The following CDK10 variants were observed in gnomAD, a reference collection of about 807,000 sequenced individuals.
The protein encoded by CDK10 is cyclin-dependent kinase 10.
CDK10 carries 55 observed loss-of-function variants against 51.0 expected under a neutral mutation model. The ratio of observed to expected loss-of-function variants is 1.08; its 90% CI spans 0.87 to 1.35. CDK10 has a LOEUF of 1.35. Among genes scored for constraint, CDK10 ranks in the 40% most tolerant of loss-of-function variants. The probability of loss-of-function intolerance (pLI) is 0.00; values close to 1 mark genes in which losing one functional copy is unlikely to be tolerated. For synonymous variants in CDK10, 255 were observed against 199.1 expected (o/e 1.28, Z -2.36); for missense variants, 589 against 485.1 (o/e 1.21, Z -2.01).
Position 89,686,716 on chromosome 16 carries a change from G to C in CDK10, c.6G>C (p.Ala2=). The C allele has an allele frequency of 6.2e-7, 1 of 1,601,242 alleles. No individual in the cohort carries two copies. Among genetic ancestry groups the C allele is most frequent in the Non-Finnish European group, 8.5e-7 (1 of 1,174,372 alleles). The change falls in exon 1 of 13, where the codon GCG becomes GCC. Residue 2 remains alanine, a synonymous_variant. Coordinates refer to ENST00000353379, the MANE Select transcript of CDK10 (RefSeq NM_052988.5). Reference sequence around the variant, plus strand: ...AGGCGGGGCCAGCGCTCGGCATGGCGGAGCCAGATCTGGAGTGCGAGCAGA... The same window carrying C: ...AGGCGGGGCCAGCGCTCGGCATGGCCGAGCCAGATCTGGAGTGCGAGCAGA... The part of the protein sequence containing the change: M[A]EPDLECEQIR...
intron 3 of CDK10, 133 bp from the exon 4 acceptor site, chr16:89,691,310 C>T (rs1458635073): frequency 1.4e-5 from 8 of 579,192 alleles, no homozygotes; most frequent in Admixed American, 3.4e-5. Flanking sequence ...TTATTGGGGT[C>T]GCCCCAATTC....
In CDK10 at chr16:89,690,572, G is replaced by T; in HGVS notation, c.180G>T (p.Gln60His). 1 of 1,614,164 alleles carries T rather than the reference G, an allele frequency of 6.2e-7. No homozygotes were observed. Among genetic ancestry groups the T allele is most frequent in the Non-Finnish European group, 8.5e-7 (1 of 1,180,020 alleles). Residue 60 changes from glutamine to histidine, a missense_variant, in exon 3 of 13, where the codon CAG becomes CAT. Transcript: ENST00000353379. ...TTCCAGATCGGGCCCGGGACACCCA[G>T]ACAGATGAGATTGTCGCACTGAAGA... ...YGIVYRARDT[Q>H]TDEIVALKKV...
At chr16:89,687,935 C>T (rs528708605) in intron 1 of CDK10, 23 of 262,652 alleles carry the variant, frequency 8.8e-5, no homozygotes, top group South Asian at 7.3e-4. Context: ...AGGACAAATG[C>T]GGCCAGTGGC....
At chr16:89,693,210 C>T (rs1230608114) in intron 6 of CDK10, 64 bp from the exon 7 acceptor site, 26 of 1,449,504 alleles carry the variant, frequency 1.8e-5, no homozygotes, top group East Asian at 4.5e-5. Flanking sequence ...GCATTGGTGC[C>T]GTGGGGGAGC....
intron 2 of CDK10, chr16:89,690,345 C>G (rs2060386258): frequency 1.7e-6 from 1 of 593,534 alleles, no homozygotes; most frequent in Non-Finnish European, 3.0e-6. Context: ...TTGGGCACCC[C>G]CTGCCCAGTT....
At chr16:89,693,504 A>G in intron 8 of CDK10, 37 bp downstream of exon 8, 1 of 1,605,336 alleles carries the variant, frequency 6.2e-7, no homozygotes, top group Non-Finnish European at 8.5e-7. Context: ...CCTGGGGACC[A>G]GGCCTGTCTG....
chr16:89,689,430 C>T, intron 2 of CDK10, 106 bp downstream of exon 2: 2 of 928,284 alleles, frequency 2.2e-6, no homozygotes, highest in Non-Finnish European at 3.5e-6. Context: ...GACTCAGACC[C>T]TGTGCTCTGA....
intron 8 of CDK10, chr16:89,693,804 C>T (rs919378229): frequency 1.8e-6 from 1 of 542,216 alleles, no homozygotes; most frequent in Non-Finnish European, 3.3e-6. Flanking sequence ...CTGGTTCTTC[C>T]TCCTGGATAC....
intron 9 of CDK10, 74 bp downstream of exon 9, chr16:89,694,306 G>A (rs2060594031): frequency 6.8e-7 from 1 of 1,470,180 alleles, no homozygotes; most frequent in East Asian, 2.3e-5. Context: ...TGGTTCCTGA[G>A]CTCAGCCTCA....
In CDK10 at chr16:89,689,526, C is replaced by T. The variant is rs191707454; in HGVS notation, c.160+202C>T. The stretch of plus-strand genomic sequence containing the variant: ...CCATTTCTGGGTAAACGTAAGCATC[C>T]GGTTGCTAATGCCCATAATCCAAAC... On this transcript the variant is annotated intron_variant, in intron 2 of 12. Transcript: ENST00000353379. The T allele has an allele frequency of 1.1e-3, 661 of 581,370 alleles. 4 individuals are homozygous for T. The highest frequency in any genetic ancestry group is 0.011 in the African/African-American group (595 of 53,500). 36.0% of individuals were successfully genotyped at this position (581,370 alleles called of 1,614,324 possible).
Position 89,694,970 on chromosome 16 carries a change from C to T in CDK10, c.832C>T (p.Arg278Trp), listed in dbSNP as rs1486693594. Residue 278 changes from arginine (R) to tryptophan (W), a missense_variant, in exon 11 of 13, where the codon CGG becomes TGG. By Grantham distance (101) the Arg-to-Trp change is moderately radical. Transcript: ENST00000353379. Reference protein sequence around the residue: ...KLPLVGQYSLRKQPYNNLKHK... With the variant: ...KLPLVGQYSLWKQPYNNLKHK... ...GCCACTGGTCGGCCAGTACAGCCTC[C>T]GGAAGCAGCCCTACAACAACCTGAA... The T allele has an allele frequency of 6.2e-6, 10 of 1,613,244 alleles. No individual in the cohort carries two copies. The highest frequency in any genetic ancestry group is 1.6e-4 in the Middle Eastern group (1 of 6,084).
intron 3 of CDK10, 46 bp from the exon 4 acceptor site, chr16:89,691,397 C>G: frequency 1.4e-6 from 2 of 1,458,650 alleles, no homozygotes; most frequent in South Asian, 1.3e-5. Context: ...TGGGGCTTCC[C>G]CGCCATCACT....
At position 89,694,940 on chromosome 16, in the gene CDK10, A is replaced by C; in HGVS notation, c.802A>C (p.Lys268Gln). ...PSENIWPGFS[K>Q]LPLVGQYSLR... The stretch of plus-strand genomic sequence containing the variant: ...CTCCTGCCTCCCATAGGGCTTTTCC[A>C]AGCTGCCACTGGTCGGCCAGTACAG... Residue 268 changes from lysine (K) to glutamine (Q), a missense_variant, in exon 11 of 13, where the codon AAG becomes CAG. Lys to Gln is a moderately conservative substitution (Grantham distance 53, BLOSUM62 1). Transcript: ENST00000353379. 6.2e-7 allele frequency: 1 copy of C among 1,612,870 alleles called. No homozygotes were observed. The highest frequency in any genetic ancestry group is 8.5e-7 in the Non-Finnish European group (1 of 1,179,960).
At chr16:89,692,778 C>T (rs2151583633) in intron 6 of CDK10, 2 of 333,412 alleles carry the variant, frequency 6.0e-6, no homozygotes, top group South Asian at 7.5e-5. Flanking sequence ...CACACCCAGG[C>T]ATGCACTCCG....
intron 2 of CDK10, chr16:89,689,726 C>CT (rs1247123006): frequency 5.6e-6 from 1 of 179,050 alleles, no homozygotes; most frequent in African/African-American, 2.4e-5. Context: ...CTCTATTGCC[C>CT]AGACTGGAGT....
chr16:89,695,648 G>A lies in CDK10; in HGVS notation c.1039G>A (p.Ala347Thr), dbSNP rs199898484. ...TFPHHRNKRA[A>T]PATSEGQSKR... ...TCCCCACCACCGCAACAAGCGGGCC[G>A]CCCCAGCCACCTCCGAGGGCCAGAG... is the stretch of plus-strand genomic sequence containing the variant. Residue 347 changes from alanine to threonine, a missense_variant, in exon 13 of 13, where the codon GCC becomes ACC. By Grantham distance (58) the Ala-to-Thr change is moderately conservative. Coordinates refer to ENST00000353379, the MANE Select transcript of CDK10 (RefSeq NM_052988.5). 1,655 of 1,604,342 alleles carry A rather than the reference G, an allele frequency of 1.0e-3. 3 individuals carry two copies. Among genetic ancestry groups the A allele is most frequent in the Non-Finnish European group, 1.3e-3 (1,542 of 1,177,190 alleles).
At chr16:89,687,362 C>G (rs961072854) in intron 1 of CDK10, 64 of 426,316 alleles carry the variant, frequency 1.5e-4, no homozygotes, top group South Asian at 1.0e-3. Context: ...GTGGAGAGCC[C>G]TGAACTTTGG....
In CDK10 at chr16:89,694,188, A is replaced by G. The variant is rs2060586507; in HGVS notation, c.624A>G (p.Glu208=). 6.2e-7 allele frequency: 1 copy of G among 1,613,822 alleles called. No individual in the cohort carries two copies. Among genetic ancestry groups the G allele is most frequent in the Non-Finnish European group, 8.5e-7 (1 of 1,179,990 alleles). The change falls in exon 9 of 13, where the codon GAA becomes GAG. Residue 208 remains glutamate (E), a synonymous_variant. Coordinates refer to ENST00000353379, the MANE Select transcript of CDK10 (RefSeq NM_052988.5). The part of the protein sequence containing the change: ...KVVTLWYRAP[E]LLLGTTTQTT... ...CTGTGTGTAGGTACCGAGCCCCTGA[A>G]CTGCTGTTGGGAACCACCACGCAGA...
rs372192006 is a variant in CDK10, at chr16:89,691,209, C to T, written c.233-234C>T. The stretch of plus-strand genomic sequence containing the variant: ...CTGAGGCAGGAGAATTGCTTGAACC[C>T]GGGAGGCAGAGGTTGCGGTGAGCCG... On this transcript the variant is annotated intron_variant, in intron 3 of 12. Coordinates refer to ENST00000353379, the MANE Select transcript of CDK10 (RefSeq NM_052988.5). Among the ~76,000 whole-genome samples the T allele has an allele frequency of 2.2e-4, 33 of 152,058 alleles. No homozygotes were observed. The East Asian group carries it at 4.5e-3, about 21-fold the overall frequency.
Sources: gnomAD v4.1 joint callset for allele counts (sites outside exome capture counted in the v4.1 genomes callset) on GRCh38, gnomAD v4.1.1 for gene constraint, MANE v1.5 for transcripts, NCBI Gene and HGNC (gene_info 2026-07-23, HGNC 2026-07-21) for gene names.